The following FGD5 variants were observed in gnomAD, a reference collection of about 807,000 sequenced individuals.
The protein encoded by FGD5 is FYVE, RhoGEF and PH domain containing 5, also known as FYVE, RhoGEF and PH domain-containing protein 5.
A neutral mutation model predicts 133.4 loss-of-function variants in FGD5; 28 were observed. The ratio of observed to expected loss-of-function variants is 0.21; its 90% confidence interval spans 0.16 to 0.29. FGD5 has a LOEUF of 0.29. Among genes scored for constraint, FGD5 ranks in the 10% least tolerant of loss-of-function variants. The probability of loss-of-function intolerance (pLI) is 1.00; values close to 1 mark genes in which losing one functional copy is unlikely to be tolerated. For synonymous variants in FGD5, 810 were observed against 776.5 expected (o/e 1.04, Z -0.72); for missense variants, 1,858 against 1,895.2 (o/e 0.98, Z 0.36).
At chr3:14,829,782 G>C (rs542421530) in intron 1 of FGD5, among the ~76,000 whole-genome samples, 1 of 152,238 alleles carries the variant, frequency 6.6e-6, no homozygotes, top group South Asian at 2.1e-4. Context: ...GGAATCTAGC[G>C]CAAAATCTAG....
intron 2 of FGD5, among the ~76,000 whole-genome samples, chr3:14,873,938 T>TCTTGAA (rs2037664994): frequency 1.3e-5 from 2 of 151,978 alleles, no homozygotes; most frequent in South Asian, 4.1e-4. Flanking sequence ...GTCAGGCTGG[T>TCTTGAA]CTTGAACTCC....
chr3:14,856,641 G>C (rs1450261989), intron 1 of FGD5, among the ~76,000 whole-genome samples: 1 of 147,490 alleles, frequency 6.8e-6, no homozygotes, highest in Non-Finnish European at 1.5e-5. Context: ...TGTAAATGTA[G>C]TATTGTGATT....
intron 1 of FGD5, among the ~76,000 whole-genome samples, chr3:14,850,954 C>G (rs2125093779): frequency 6.6e-6 from 1 of 152,272 alleles, no homozygotes; most frequent in Non-Finnish European, 1.5e-5. Context: ...AAAGATGTGG[C>G]AGGAATCACT....
At chr3:14,865,573 C>A (rs11715877) in intron 2 of FGD5, among the ~76,000 whole-genome samples, 14,123 of 152,056 alleles carry the variant, frequency 0.093, 818 homozygotes, top group East Asian at 0.3. Flanking sequence ...CTCCCCGCTG[C>A]CTCTTCCTCT....
chr3:14,824,822 A>G (rs1012863383), intron 1 of FGD5, among the ~76,000 whole-genome samples: 4 of 152,252 alleles, frequency 2.6e-5, no homozygotes, highest in Admixed American at 2.0e-4. Flanking sequence ...ATAGAAGGCA[A>G]TTGTAAAAAT....
chr3:14,881,762 G>A (rs976893952), intron 4 of FGD5, among the ~76,000 whole-genome samples: 1 of 152,202 alleles, frequency 6.6e-6, no homozygotes, highest in Non-Finnish European at 1.5e-5. Flanking sequence ...GCCCAGAGGA[G>A]GTGACATGGC....
At chr3:14,890,113 C>T (rs1290974283) in intron 4 of FGD5, among the ~76,000 whole-genome samples, 1 of 152,166 alleles carries the variant, frequency 6.6e-6, no homozygotes, top group Non-Finnish European at 1.5e-5. Context: ...CGGCCACACA[C>T]TCCGCCTGAA....
At chr3:14,834,994 A>T (rs2036787817) in intron 1 of FGD5, among the ~76,000 whole-genome samples, 2 of 152,234 alleles carry the variant, frequency 1.3e-5, no homozygotes, top group Non-Finnish European at 2.9e-5. Flanking sequence ...TTTTACAGGC[A>T]GGAAAACTGA....
chr3:14,812,152 C>G (rs1158762201), intron 1 of FGD5, among the ~76,000 whole-genome samples: 1 of 152,152 alleles, frequency 6.6e-6, no homozygotes, highest in Non-Finnish European at 1.5e-5. Flanking sequence ...GTGGCAGCCA[C>G]CTTCCATGTC....
At chr3:14,920,826 G>T (rs1308204332) in intron 13 of FGD5, among the ~76,000 whole-genome samples, 1 of 152,222 alleles carries the variant, frequency 6.6e-6, no homozygotes, top group African/African-American at 2.4e-5. Context: ...GGACTGTGTG[G>T]ACCAGAGCTC....
chr3:14,830,261 C>A (rs184955584), intron 1 of FGD5, among the ~76,000 whole-genome samples: 3 of 152,204 alleles, frequency 2.0e-5, no homozygotes, highest in Non-Finnish European at 2.9e-5. Flanking sequence ...ATGCATGTGG[C>A]TGTGCTTCTT....
intron 18 of FGD5, among the ~76,000 whole-genome samples, chr3:14,929,257 T>C (rs2038864104): frequency 6.6e-6 from 1 of 152,224 alleles, no homozygotes; most frequent in Non-Finnish European, 1.5e-5. Flanking sequence ...CAAAGGACAT[T>C]TGGATTGCTT....
chr3:14,853,472 T>A (rs1010248644), intron 1 of FGD5, among the ~76,000 whole-genome samples: 2 of 150,614 alleles, frequency 1.3e-5, no homozygotes, highest in African/African-American at 4.9e-5. Context: ...CCCCTTCCCC[T>A]CCCTGCTGGG....
chr3:14,898,537 A>G (rs1401249289), intron 6 of FGD5, among the ~76,000 whole-genome samples: 1 of 152,116 alleles, frequency 6.6e-6, no homozygotes, highest in African/African-American at 2.4e-5. Flanking sequence ...AACTGGGAGC[A>G]TGATGGAGTG....
At chr3:14,814,211 A>G (rs1481309860), upstream of FGD5, among the ~76,000 whole-genome samples, 5 of 152,286 alleles carry the variant, frequency 3.3e-5, no homozygotes, top group Admixed American at 1.3e-4. Context: ...AGCTACATCC[A>G]TGCTGGGTTC....
At chr3:14,907,817 T>G (rs1003214299) in intron 10 of FGD5, 106 bp downstream of exon 10, 4 of 1,178,194 alleles carry the variant, frequency 3.4e-6, no homozygotes, top group Non-Finnish European at 4.8e-6. Flanking sequence ...GCAGGTGCTG[T>G]CTACCCATGG....
In FGD5 at chr3:14,922,145, A is replaced by T. The variant is rs1342638459; in HGVS notation, c.3669+128A>T. 2.7e-6 allele frequency: 3 copies of T among 1,099,216 alleles called. No homozygotes were observed. The highest frequency in any genetic ancestry group is 4.0e-6 in the Non-Finnish European group (3 of 758,098). The allele number at this position is 1,099,216 out of a possible 1,614,324, so 68.1% of individuals were successfully genotyped here. ...CTGTCTTGGGGCACTGGCTCCCCCC[A>T]CACCCCTGCCATGCTCCCACCCTAG... is the stretch of plus-strand genomic sequence containing the variant. On this transcript the variant is annotated intron_variant, in intron 14 of 19. Transcript: ENST00000285046. The surrounding 1 kb of genome is among the most constrained non-coding windows in gnomAD (Gnocchi z 4.1).
At chr3:14,817,218 G>A (rs576452847), upstream of FGD5, among the ~76,000 whole-genome samples, 7 of 151,764 alleles carry the variant, frequency 4.6e-5, no homozygotes, top group Middle Eastern at 3.4e-3. Context: ...TTTTTGAGAC[G>A]GAGTTTTGCT....
chr3:14,872,119 C>G (rs930877768), intron 2 of FGD5, among the ~76,000 whole-genome samples: 2 of 152,188 alleles, frequency 1.3e-5, no homozygotes, highest in African/African-American at 4.8e-5. Flanking sequence ...TTGTGGTGCC[C>G]TCGGCTCTGG....
Sources: gnomAD v4.1 joint callset for allele counts (sites outside exome capture counted in the v4.1 genomes callset) on GRCh38, gnomAD v4.1.1 for gene constraint, Gnocchi (gnomAD v3.1) non-coding constraint, MANE v1.5 for transcripts, NCBI Gene and HGNC (gene_info 2026-07-23, HGNC 2026-07-21) for gene names.